The following HNRNPC variants were observed in gnomAD, a reference collection of about 807,000 sequenced individuals.
HNRNPC encodes the protein heterogeneous nuclear ribonucleoprotein C.
In HNRNPC, 3 loss-of-function variants were observed where a neutral mutation model predicts 33.2. That is an observed-to-expected ratio of 0.09 (90% CI 0.04 to 0.23). HNRNPC has a LOEUF of 0.23. HNRNPC is among the 10% of genes least tolerant of loss of function. HNRNPC has a pLI of 1.00. For missense variants in HNRNPC, 143 were observed against 366.7 expected, an observed-to-expected ratio of 0.39 and a Z score of 4.98; for synonymous variants, 121 against 126.7, an observed-to-expected ratio of 0.96 and a Z score of 0.30.
At chr14:21,217,682 A>G (rs1892339554) in intron 5 of HNRNPC, among the ~76,000 whole-genome samples, 1 of 152,214 alleles carries the variant, frequency 6.6e-6, no homozygotes, top group African/African-American at 2.4e-5. Context: ...GTAATATTCT[A>G]TCAGAAAGAA....
intron 2 of HNRNPC, chr14:21,234,698 CAGCAT>C (rs1438015874): frequency 5.1e-5 from 8 of 155,658 alleles, no homozygotes; most frequent in African/African-American, 1.7e-4. Context: ...TATATACACA[CAGCAT>C]AGCAAACGTC....
intron 2 of HNRNPC, among the ~76,000 whole-genome samples, chr14:21,250,343 A>G (rs1896493969): frequency 6.6e-6 from 1 of 152,212 alleles, no homozygotes; most frequent in Admixed American, 6.5e-5. Flanking sequence ...AAAAAAATAA[A>G]ATGAAACATG....
At chr14:21,262,150 T>C (rs532605814) in intron 2 of HNRNPC, among the ~76,000 whole-genome samples, 1 of 152,318 alleles carries the variant, frequency 6.6e-6, no homozygotes, top group South Asian at 2.1e-4. Context: ...AGACAGCATT[T>C]TAATATTATG....
chr14:21,231,545 C>G (rs1366861304), intron 3 of HNRNPC: 2 of 361,236 alleles, frequency 5.5e-6, no homozygotes, highest in Non-Finnish European at 1.1e-5. Context: ...GTCACGTGAT[C>G]TGCCTTGACC....
rs1408996773 is a variant in HNRNPC, at chr14:21,209,381, CAAT to C, written c.*1839_*1841del. On this transcript the variant is annotated 3_prime_UTR_variant, in exon 9 of 9. Coordinates refer to ENST00000553300, the MANE Select transcript of HNRNPC (RefSeq NM_004500.4). ...GTATTTCCCAAAAACTTACAGCTAA[CAAT>C]AATATTAAACAGGTTTTATTAGCAT... 6.6e-6 allele frequency: 1 copy of C among 152,122 alleles called. No homozygotes were observed. Among genetic ancestry groups the C allele is most frequent in the Admixed American group, 6.6e-5 (1 of 15,262 alleles). 9.4% of individuals were successfully genotyped at this position (152,122 alleles called of 1,614,324 possible).
intron 2 of HNRNPC, chr14:21,262,854 TG>T (rs1185998156): frequency 3.3e-5 from 5 of 152,036 alleles, no homozygotes; most frequent in Admixed American, 1.3e-4. Flanking sequence ...ATTTAACAAA[TG>T]AAAGATTAAA....
At chr14:21,258,293 GGCACAAGAATC>G (rs543648171) in intron 2 of HNRNPC, among the ~76,000 whole-genome samples, 2 of 152,056 alleles carry the variant, frequency 1.3e-5, no homozygotes, top group South Asian at 4.2e-4. Context: ...AGGAGGCGGA[GGCACAAGAATC>G]GCTTGAACCC....
At chr14:21,222,711 T>TG in intron 5 of HNRNPC, among the ~76,000 whole-genome samples, 1 of 151,952 alleles carries the variant, frequency 6.6e-6, no homozygotes, top group African/African-American at 2.4e-5. Flanking sequence ...GCAAATACGG[T>TG]GAAACTGCGT....
At chr14:21,266,159 G>A (rs1159794487) in intron 1 of HNRNPC, among the ~76,000 whole-genome samples, 1 of 152,162 alleles carries the variant, frequency 6.6e-6, no homozygotes, top group East Asian at 1.9e-4. Flanking sequence ...AGGCTGGAGT[G>A]CAGTGGTGCG....
At chr14:21,249,104 A>G (rs1304844091) in intron 2 of HNRNPC, among the ~76,000 whole-genome samples, 1 of 152,210 alleles carries the variant, frequency 6.6e-6, no homozygotes, top group Non-Finnish European at 1.5e-5. Context: ...TCAACTTTTC[A>G]CTAATAATAC....
chr14:21,218,947 TA>T (rs1892527075), intron 5 of HNRNPC, among the ~76,000 whole-genome samples: 1 of 151,264 alleles, frequency 6.6e-6, no homozygotes, highest in Non-Finnish European at 1.5e-5. Context: ...CCATCTCTAC[TA>T]AAAATACAAA....
chr14:21,230,775 G>C (rs532857327), intron 4 of HNRNPC: 7 of 531,420 alleles, frequency 1.3e-5, no homozygotes, highest in Non-Finnish European at 2.3e-5. Flanking sequence ...AAACCTCAGG[G>C]ATTTTTAATT....
At position 21,211,261 on chromosome 14, in the gene HNRNPC, C is replaced by G. The variant is rs768160848; in HGVS notation, c.844G>C (p.Asp282His). The change falls in exon 9 of 9, where the codon GAT (aspartate) becomes CAT (histidine). Residue 282 changes from aspartate (D) to histidine (H), a missense_variant. This residue lies in a region of HNRNPC where 131 missense variants were observed against 253.0 expected (regional missense o/e 0.52). Transcript: ENST00000553300. ...TCGCCATTGGCGCTGTCTCTGTCAT[C>G]CTCTCCTTCCTCAGCCTCTTTTTCA... Reference protein sequence around the residue: ...DDEKEAEEGEDDRDSANGEDD... With the variant: ...DDEKEAEEGEHDRDSANGEDD... The G allele has an allele frequency of 6.2e-7, 1 of 1,614,100 alleles. No individual in the cohort carries two copies. The highest frequency in any genetic ancestry group is 1.1e-5 in the South Asian group (1 of 91,076).
intron 2 of HNRNPC, among the ~76,000 whole-genome samples, chr14:21,242,499 C>T (rs903723757): frequency 4.6e-5 from 7 of 152,146 alleles, no homozygotes; most frequent in Non-Finnish European, 8.8e-5. Context: ...GATGTTAAGA[C>T]ACATTATTTA....
intron 2 of HNRNPC, among the ~76,000 whole-genome samples, chr14:21,247,237 C>CA (rs1440710240): frequency 2.6e-5 from 4 of 151,906 alleles, no homozygotes; most frequent in Non-Finnish European, 5.9e-5. Flanking sequence ...ATTTCATCCT[C>CA]TTCTACCTAG....
At chr14:21,243,335 A>G (rs963539596) in intron 2 of HNRNPC, among the ~76,000 whole-genome samples, 1 of 152,186 alleles carries the variant, frequency 6.6e-6, no homozygotes, top group Non-Finnish European at 1.5e-5. Context: ...CATGTCAACA[A>G]ACTTTGAAAT....
At chr14:21,265,198 T>TA (rs1878776719) in intron 1 of HNRNPC, 1 of 152,196 alleles carries the variant, frequency 6.6e-6, no homozygotes, top group Non-Finnish European at 1.5e-5. Context: ...TGTGAAGAAT[T>TA]GTAAGAAATA....
intron 3 of HNRNPC, 85 bp from the exon 4 acceptor site, chr14:21,231,157 C>CA (rs1298859802): frequency 3.7e-6 from 5 of 1,344,956 alleles, no homozygotes; most frequent in Non-Finnish European, 5.2e-6. Context: ...ATTTTTGAGA[C>CA]ATAGTTTCGC....
At chr14:21,240,469 T>C (rs1204936361) in intron 2 of HNRNPC, among the ~76,000 whole-genome samples, 1 of 152,222 alleles carries the variant, frequency 6.6e-6, no homozygotes, top group Non-Finnish European at 1.5e-5. Context: ...CAATTCTACT[T>C]GGAAAAGGTA....
Sources: allele counts gnomAD v4.1 joint callset (sites outside exome capture counted in the v4.1 genomes callset), GRCh38; gene constraint gnomAD v4.1.1; regional missense constraint gnomAD v4.1.1; transcripts MANE v1.5; gene names NCBI Gene and HGNC (gene_info 2026-07-23, HGNC 2026-07-21).